The following DPP10 variants were observed in gnomAD, a reference collection of about 807,000 sequenced individuals.
The protein encoded by DPP10 is inactive dipeptidyl peptidase 10.
Under a neutral mutation model 120.9 loss-of-function variants are expected in DPP10, and 33 were observed. The observed-to-expected ratio is 0.27, with a 90% CI of 0.21 to 0.37. DPP10 has a LOEUF of 0.37. DPP10 is among the 10% of genes least tolerant of loss of function. The pLI, the probability that DPP10 is intolerant of heterozygous loss-of-function variation, is 1.00. For synonymous variants in DPP10, 337 were observed against 326.1 expected (o/e 1.03, Z -0.36); for missense variants, 816 against 942.8 (o/e 0.87, Z 1.76).
chr2:114,759,494 T>C (rs947677329), intron 1 of DPP10, among the ~76,000 whole-genome samples: 4 of 151,938 alleles, frequency 2.6e-5, no homozygotes, highest in Non-Finnish European at 5.9e-5. Context: ...ATAAACTCTT[T>C]AGTTTTATCT....
intron 1 of DPP10, among the ~76,000 whole-genome samples, chr2:114,626,404 A>G (rs2010391): frequency 0.11 from 16,949 of 152,012 alleles, 1,278 homozygotes; most frequent in African/African-American, 0.21. Context: ...CAGAATTTAG[A>G]TATTGTTTTT....
intron 5 of DPP10, among the ~76,000 whole-genome samples, chr2:115,661,933 A>G (rs1214964053): frequency 6.6e-6 from 1 of 152,188 alleles, no homozygotes; most frequent in Non-Finnish European, 1.5e-5. Context: ...AGTATCAACT[A>G]TAGTCATAGT....
intron 1 of DPP10, among the ~76,000 whole-genome samples, chr2:115,229,699 TC>T (rs2057635720): frequency 1.1e-5 from 1 of 90,560 alleles, no homozygotes; most frequent in Non-Finnish European, 2.4e-5. Flanking sequence ...CCTATTCTAT[TC>T]TATTCTATTC....
chr2:114,608,110 T>C (rs976002159), intron 1 of DPP10, among the ~76,000 whole-genome samples: 2 of 152,210 alleles, frequency 1.3e-5, no homozygotes, highest in Non-Finnish European at 2.9e-5. Context: ...AACACAAGTA[T>C]TTACTGGTCC....
chr2:115,700,179 C>A (rs1350259098), intron 7 of DPP10, among the ~76,000 whole-genome samples: 1 of 152,082 alleles, frequency 6.6e-6, no homozygotes, highest in Admixed American at 6.5e-5. Flanking sequence ...GGTACTAAAC[C>A]ATTCATGAGA....
At chr2:114,748,527 A>G (rs1678862416) in intron 1 of DPP10, among the ~76,000 whole-genome samples, 1 of 130,690 alleles carries the variant, frequency 7.7e-6, no homozygotes, top group African/African-American at 2.9e-5. Context: ...AGCATTAGGT[A>G]TATCTCCCAA....
At chr2:114,951,341 G>A (rs1159395194) in intron 1 of DPP10, among the ~76,000 whole-genome samples, 1 of 152,068 alleles carries the variant, frequency 6.6e-6, no homozygotes, top group Non-Finnish European at 1.5e-5. Context: ...CTTGTACAAG[G>A]AATTTATAAT....
intron 1 of DPP10, among the ~76,000 whole-genome samples, chr2:115,180,476 G>A (rs114608883): frequency 6.6e-6 from 1 of 152,002 alleles, no homozygotes; most frequent in Non-Finnish European, 1.5e-5. Context: ...GGATCTTTAG[G>A]TCAAACCTCT....
At chr2:115,590,012 T>A (rs2082533256) in intron 5 of DPP10, among the ~76,000 whole-genome samples, 1 of 152,056 alleles carries the variant, frequency 6.6e-6, no homozygotes, top group Non-Finnish European at 1.5e-5. Flanking sequence ...TAATTCTTTT[T>A]ATCTCCCTGC....
At chr2:115,342,038 CTG>C (rs1264218352) in intron 2 of DPP10, 15 of 397,934 alleles carry the variant, frequency 3.8e-5, no homozygotes, top group Non-Finnish European at 6.9e-5. Flanking sequence ...TCCAAAGTGA[CTG>C]TACCATTTTG....
intron 3 of DPP10, among the ~76,000 whole-genome samples, chr2:115,435,298 C>T (rs957111685): frequency 1.3e-5 from 2 of 151,710 alleles, no homozygotes; most frequent in South Asian, 2.1e-4. Context: ...AATTTACATT[C>T]CCACCAACAG....
intron 1 of DPP10, among the ~76,000 whole-genome samples, chr2:115,042,664 G>A (rs1168648389): frequency 6.6e-6 from 1 of 152,230 alleles, no homozygotes; most frequent in East Asian, 1.9e-4. Flanking sequence ...GATCAGGAAG[G>A]CAAGAGATAG....
chr2:115,646,772 A>G (rs1320266167), intron 5 of DPP10, among the ~76,000 whole-genome samples: 2 of 152,062 alleles, frequency 1.3e-5, no homozygotes, highest in Non-Finnish European at 2.9e-5. Flanking sequence ...CCTTCTCTTT[A>G]AATTGATGAT....
chr2:115,624,344 T>G (rs1430267472), intron 5 of DPP10, among the ~76,000 whole-genome samples: 1 of 152,212 alleles, frequency 6.6e-6, no homozygotes, highest in Non-Finnish European at 1.5e-5. Flanking sequence ...AATTCATGGC[T>G]GAATAACAGT....
At chr2:115,066,179 A>T (rs538667571) in intron 1 of DPP10, among the ~76,000 whole-genome samples, 1 of 152,292 alleles carries the variant, frequency 6.6e-6, no homozygotes, top group South Asian at 2.1e-4. Flanking sequence ...ACAAATAAGG[A>T]TTCATTAACT....
chr2:114,806,628 A>G (rs1004902695), intron 1 of DPP10, among the ~76,000 whole-genome samples: 2 of 152,238 alleles, frequency 1.3e-5, no homozygotes, highest in Non-Finnish European at 2.9e-5. Context: ...TTGTCTTAAT[A>G]ATCTGAGCAA....
intron 1 of DPP10, among the ~76,000 whole-genome samples, chr2:114,907,589 G>A (rs972611233): frequency 6.6e-6 from 1 of 151,968 alleles, no homozygotes; most frequent in African/African-American, 2.4e-5. Flanking sequence ...AAATATTCCT[G>A]CATATTCTTA....
intron 1 of DPP10, among the ~76,000 whole-genome samples, chr2:115,273,103 G>C (rs1333721127): frequency 6.6e-6 from 1 of 152,052 alleles, no homozygotes; most frequent in African/African-American, 2.4e-5. Context: ...CAAATAATCT[G>C]TATGAATTTT....
intron 19 of DPP10, among the ~76,000 whole-genome samples, chr2:115,794,025 A>T (rs928987749): frequency 6.6e-6 from 1 of 152,154 alleles, no homozygotes; most frequent in African/African-American, 2.4e-5. Context: ...TTTTTTCTCA[A>T]GCTTAAAAAC....
Sources: gnomAD v4.1 joint callset for allele counts (sites outside exome capture counted in the v4.1 genomes callset) on GRCh38, gnomAD v4.1.1 for gene constraint, MANE v1.5 for transcripts, NCBI Gene and HGNC (gene_info 2026-07-23, HGNC 2026-07-21) for gene names.